Variants in PARVG observed in about 807,000 individuals in gnomAD.
PARVG encodes the protein gamma-parvin.
Under a neutral mutation model 44.4 loss-of-function variants are expected in PARVG, and 36 were observed. The observed-to-expected ratio is 0.81, with a 90% CI of 0.62 to 1.07. The LOEUF is 1.07. PARVG is among the 50% of genes least tolerant of loss of function. PARVG has a pLI of 0.00. For synonymous variants in PARVG, 170 were observed against 174.1 expected (o/e 0.98, Z 0.19); for missense variants, 407 against 407.4 (o/e 1.00, Z 0.01).
chr22:44,190,618 C>T lies in PARVG; in HGVS notation c.456C>T (p.Pro152=), dbSNP rs201263016. 2.0e-5 allele frequency: 32 copies of T among 1,614,154 alleles called. No homozygotes were observed. The East Asian group carries it at 3.1e-4, about 16-fold the overall frequency. The part of the protein sequence containing the change: ...LLVALAKRFQ[P]DLSLPTNVQV... ...TGGCCCTGGCCAAGCGCTTCCAGCCCGACCTCTCCCTCCCAACCAACGTCC... is the reference window on the plus strand; with the variant it reads ...TGGCCCTGGCCAAGCGCTTCCAGCCTGACCTCTCCCTCCCAACCAACGTCC... Residue 152 remains proline, a synonymous_variant, in exon 7 of 14, where the codon CCC becomes CCT. Transcript: ENST00000444313.
upstream of PARVG, among the ~76,000 whole-genome samples, chr22:44,180,326 C>T (rs1456220040): frequency 2.0e-5 from 3 of 152,196 alleles, no homozygotes; most frequent in Non-Finnish European, 4.4e-5. Flanking sequence ...TTCTGGGTTC[C>T]TTTAACCCTG....
chr22:44,183,439 G>A, intron 3 of PARVG, 31 bp downstream of exon 3: 1 of 1,552,988 alleles, frequency 6.4e-7, no homozygotes, highest in South Asian at 1.2e-5. Flanking sequence ...GAGGGTGGAG[G>A]GTGAAGGTCT....
Position 44,182,597 on chromosome 22 carries a change from G to A in PARVG, c.-13+680G>A, listed in dbSNP as rs2054399024. Among the ~76,000 whole-genome samples the A allele has an allele frequency of 2.0e-5, 3 of 152,186 alleles. No individual in the cohort carries two copies. The highest frequency in any genetic ancestry group is 2.0e-4 in the Admixed American group (3 of 15,280). ...TGCCATGTGACTCCCCTACCTCAATGTCTGATTGAGTTTGAAAACACTGAG... is the reference window on the plus strand; with the variant it reads ...TGCCATGTGACTCCCCTACCTCAATATCTGATTGAGTTTGAAAACACTGAG... On this transcript the variant is annotated intron_variant, in intron 2 of 13. Transcript: ENST00000444313. This position sits in a 1 kb window ranked among gnomAD's most constrained non-coding sequence, Gnocchi z 4.6.
intron 1 of PARVG, 82 bp from the exon 2 acceptor site, chr22:44,181,660 G>C (rs1050557402): frequency 4.1e-6 from 4 of 965,250 alleles, no homozygotes; most frequent in Non-Finnish European, 4.9e-6. Flanking sequence ...CACGGCGGGC[G>C]CTGGGGCTCC....
At chr22:44,185,968 C>G (rs2054462404) in intron 4 of PARVG, 96 bp downstream of exon 4, 1 of 1,272,370 alleles carries the variant, frequency 7.9e-7, no homozygotes. Context: ...GTCCCCACTC[C>G]TTGGCCTCAG....
intron 1 of PARVG, 108 bp downstream of exon 1, chr22:44,181,293 C>A: frequency 1.0e-6 from 1 of 977,930 alleles, no homozygotes; most frequent in African/African-American, 1.7e-5. Context: ...GGAAGTGACT[C>A]ACTCCTCCGA....
At chr22:44,189,302 G>T (rs1411500160) in intron 6 of PARVG, 48 bp downstream of exon 6, 4 of 1,598,504 alleles carry the variant, frequency 2.5e-6, no homozygotes, top group African/African-American at 1.3e-5. Context: ...GGGGCCGCTG[G>T]GGTCCTTCTG....
chr22:44,204,761 G>T (rs1482119720), intron 12 of PARVG, among the ~76,000 whole-genome samples: 1 of 152,362 alleles, frequency 6.6e-6, no homozygotes, highest in Admixed American at 6.5e-5. Context: ...CCGTCTAGTG[G>T]ATCTACGGGT....
chr22:44,187,450 T>C, intron 4 of PARVG: 1 of 399,056 alleles, frequency 2.5e-6, no homozygotes, highest in Admixed American at 3.7e-5. Context: ...CATTGTCCAA[T>C]TCTTTCCATT....
intron 12 of PARVG, among the ~76,000 whole-genome samples, chr22:44,202,859 A>T (rs1171359212): frequency 3.3e-5 from 5 of 152,198 alleles, no homozygotes; most frequent in African/African-American, 1.2e-4. Flanking sequence ...AGAGAGGATC[A>T]TTCGCTCCCA....
upstream of PARVG, chr22:44,180,830 C>T (rs2054364762): frequency 1.3e-6 from 1 of 776,572 alleles, no homozygotes; most frequent in Non-Finnish European, 1.6e-6. Flanking sequence ...CCTGATTTAG[C>T]CACTTTCTGC....
rs1009583341 is a variant in PARVG at position 44,182,328 on chromosome 22, C to T, written c.-13+411C>T. On this transcript the variant is annotated intron_variant, in intron 2 of 13. Coordinates refer to ENST00000444313, the MANE Select transcript of PARVG (RefSeq NM_022141.7). This position sits in a 1 kb window ranked among gnomAD's most constrained non-coding sequence, Gnocchi z 4.6. ...CACAGCCTGAGTGAGGAGGAGCTGG[C>T]CTGGGACCCAGGCTTCCTGACGCCC... Among the ~76,000 whole-genome samples the T allele has an allele frequency of 2.0e-5, 3 of 152,152 alleles. No homozygotes were observed. The highest frequency in any genetic ancestry group is 4.4e-5 in the Non-Finnish European group (3 of 68,030).
At chr22:44,190,721 C>A in intron 7 of PARVG, 55 bp downstream of exon 7, 1 of 1,444,658 alleles carries the variant, frequency 6.9e-7, no homozygotes, top group South Asian at 1.1e-5. Flanking sequence ...CTTGGGCCCC[C>A]ATTGCCGTAC....
chr22:44,207,872 C>A lies in PARVG; in HGVS notation c.*1446C>A, dbSNP rs972715202. The A allele has an allele frequency of 1.1e-4, 17 of 152,322 alleles. No homozygotes were observed. Among genetic ancestry groups the A allele is most frequent in the African/African-American group, 3.6e-4 (15 of 41,430 alleles). The allele number at this position is 152,322 out of a possible 1,614,324, so 9.4% of individuals were successfully genotyped here. On this transcript the variant is annotated 3_prime_UTR_variant, in exon 14 of 14. Transcript: ENST00000444313. ...TGTTCCACGTGAGCACTCAGATGCA[C>A]CCCTCTTCATGGATACCCACCCTAC... is the stretch of plus-strand genomic sequence containing the variant.
At chr22:44,185,726 A>T in intron 3 of PARVG, 82 bp from the exon 4 acceptor site, 1 of 1,284,136 alleles carries the variant, frequency 7.8e-7, no homozygotes, top group Non-Finnish European at 1.1e-6. Context: ...TGCGGTGCTG[A>T]AATCTGTGGG....
At chr22:44,204,395 G>C (rs114035476) in intron 12 of PARVG, among the ~76,000 whole-genome samples, 2 of 152,258 alleles carry the variant, frequency 1.3e-5, no homozygotes, top group Non-Finnish European at 2.9e-5. Context: ...AGGCAGACAG[G>C]TGTATCATCC....
At position 44,189,269 on chromosome 22, in the gene PARVG, A is replaced by G; in HGVS notation, c.388+15A>G. On this transcript the variant is annotated intron_variant, in intron 6 of 13. Coordinates refer to ENST00000444313, the MANE Select transcript of PARVG (RefSeq NM_022141.7). ...GAGCGTGGAGAGTACGTGGGCCACA[A>G]CCTGGCTACCCCTGGGGAGTGTGGG... 5.0e-6 allele frequency: 8 copies of G among 1,613,442 alleles called. No homozygotes were observed. Among genetic ancestry groups the G allele is most frequent in the Non-Finnish European group, 6.8e-6 (8 of 1,179,732 alleles).
At position 44,206,858 on chromosome 22, in the gene PARVG, C is replaced by A. The variant is rs948282155; in HGVS notation, c.*432C>A. 5.2e-6 allele frequency: 1 copy of A among 192,706 alleles called. No individual in the cohort carries two copies. Among genetic ancestry groups the A allele is most frequent in the African/African-American group, 2.4e-5 (1 of 41,806 alleles). The allele number at this position is 192,706 out of a possible 1,614,324, so 11.9% of individuals were successfully genotyped here. ...ACCTTTTCCAGCCCAGCTCCCCACA[C>A]CCACCTGCTTCTCACTCGGGAGGAT... On this transcript the variant is annotated 3_prime_UTR_variant, in exon 14 of 14. Coordinates refer to ENST00000444313, the MANE Select transcript of PARVG (RefSeq NM_022141.7).
intron 6 of PARVG, 64 bp downstream of exon 6, chr22:44,189,318 G>A: frequency 6.3e-7 from 1 of 1,579,874 alleles, no homozygotes; most frequent in East Asian, 2.3e-5. Context: ...TTCTGCTTCA[G>A]GCTTCTCACC....
Sources: allele counts gnomAD v4.1 joint callset (sites outside exome capture counted in the v4.1 genomes callset), GRCh38; gene constraint gnomAD v4.1.1; non-coding constraint Gnocchi (gnomAD v3.1); transcripts MANE v1.5; gene names NCBI Gene and HGNC (gene_info 2026-07-23, HGNC 2026-07-21).